SYNPR: variants seen among roughly 807,000 people sequenced by gnomAD.
SYNPR encodes the protein synaptoporin.
In SYNPR, 23 loss-of-function variants were observed where a neutral mutation model predicts 32.9. That is an observed-to-expected ratio of 0.70 (90% CI 0.50 to 0.99). The LOEUF (loss-of-function observed/expected upper bound fraction) is 0.99. Ranked by LOEUF, SYNPR falls within the 50% of genes least tolerant of loss-of-function variation. SYNPR has a pLI of 0.00. For missense variants in SYNPR, 318 were observed against 349.3 expected (o/e 0.91, Z 0.71); for synonymous variants, 146 against 135.9 (o/e 1.07, Z -0.52).
At position 63,476,133 on chromosome 3, in the gene SYNPR, G is replaced by GGAAGGAAA. The variant is rs1559510360; in HGVS notation, c.85-4692_85-4691insAGAAGGAA. Among the ~76,000 whole-genome samples, 17 of 39,144 alleles carry GGAAGGAAA rather than the reference G, an allele frequency of 4.3e-4. 3 individuals are homozygous for GGAAGGAAA. The highest frequency in any genetic ancestry group is 1.9e-3 in the African/African-American group (12 of 6,238). 25.7% of individuals were successfully genotyped at this position (39,144 alleles called of 152,430 possible). A position where few individuals can be genotyped will look rare whatever the true frequency, so the allele number is the denominator to read the frequency against. On this transcript the variant is annotated intron_variant, in intron 2 of 5. Coordinates refer to ENST00000478300, the MANE Select transcript of SYNPR (RefSeq NM_001130003.2). ...GGGGAGGAAGGAAGGAAGGAAGGAA[G>GGAAGGAAA]GAAGGAAGGAAGGAAGGGAGGGAGG...
intron 2 of SYNPR, among the ~76,000 whole-genome samples, chr3:63,301,584 A>C (rs2086858119): frequency 6.6e-6 from 1 of 152,110 alleles, no homozygotes; most frequent in Non-Finnish European, 1.5e-5. Context: ...TGAACAATTA[A>C]AATTTCCTAT....
At chr3:63,350,307 G>T (rs190599284) in intron 2 of SYNPR, among the ~76,000 whole-genome samples, 1 of 151,888 alleles carries the variant, frequency 6.6e-6, no homozygotes. Context: ...TTATAGAAAA[G>T]ATGACTCATA....
chr3:63,614,488 G>A, intron 5 of SYNPR, among the ~76,000 whole-genome samples: 1 of 152,166 alleles, frequency 6.6e-6, no homozygotes, highest in East Asian at 1.9e-4. Context: ...CAGTTCTTAA[G>A]AAAATATTTT....
At chr3:63,375,482 AACACCGCATGTTCTC>A (rs2087876391) in intron 2 of SYNPR, among the ~76,000 whole-genome samples, 2 of 152,228 alleles carry the variant, frequency 1.3e-5, no homozygotes, top group African/African-American at 4.8e-5. Context: ...CAGGAAACCA[AACACCGCATGTTCTC>A]ACTCGTAGGT....
At chr3:63,368,484 G>A (rs2087754490) in intron 2 of SYNPR, among the ~76,000 whole-genome samples, 1 of 152,218 alleles carries the variant, frequency 6.6e-6, no homozygotes, top group Non-Finnish European at 1.5e-5. Context: ...TTCAAGTCTG[G>A]AGATGTCACT....
intron 4 of SYNPR, among the ~76,000 whole-genome samples, chr3:63,571,208 C>G (rs1269401731): frequency 1.3e-5 from 2 of 152,130 alleles, no homozygotes; most frequent in African/African-American, 4.8e-5. Flanking sequence ...GGAAATCTAC[C>G]TAACCATGGG....
At chr3:63,601,657 G>A (rs571326573) in intron 4 of SYNPR, among the ~76,000 whole-genome samples, 5 of 152,250 alleles carry the variant, frequency 3.3e-5, no homozygotes, top group East Asian at 1.9e-4. Context: ...CTCCATCTAT[G>A]TTGCTACAAA....
chr3:63,554,421 T>G (rs1017151388), intron 3 of SYNPR, among the ~76,000 whole-genome samples: 2 of 152,236 alleles, frequency 1.3e-5, no homozygotes, highest in Non-Finnish European at 2.9e-5. Context: ...TTCATTCTTC[T>G]TCATATGGCT....
chr3:63,208,795 C>T, the SYNPR span, among the ~76,000 whole-genome samples: 1 of 152,016 alleles, frequency 6.6e-6, no homozygotes, highest in Non-Finnish European at 1.5e-5. Flanking sequence ...TTCCTGGGCT[C>T]GGCACAAGAT....
intron 2 of SYNPR, among the ~76,000 whole-genome samples, chr3:63,445,241 T>C (rs1700253485): frequency 6.6e-6 from 1 of 152,208 alleles, no homozygotes; most frequent in Non-Finnish European, 1.5e-5. Context: ...GCATGCATTC[T>C]GCATGTGAAA....
At chr3:63,488,574 G>A (rs6781972) in intron 3 of SYNPR, among the ~76,000 whole-genome samples, 65,723 of 152,022 alleles carry the variant, frequency 0.43, 14,250 homozygotes, top group East Asian at 0.49. Context: ...TAAAAAGGCA[G>A]TAATACCAGT....
intron 2 of SYNPR, among the ~76,000 whole-genome samples, chr3:63,337,699 TA>T (rs2087313042): frequency 6.6e-6 from 1 of 152,164 alleles, no homozygotes; most frequent in African/African-American, 2.4e-5. Flanking sequence ...AAATATCAAT[TA>T]AGCCACAGAA....
chr3:63,344,571 T>TC (rs3081091), intron 2 of SYNPR, among the ~76,000 whole-genome samples: 2 of 150,014 alleles, frequency 1.3e-5, no homozygotes, highest in African/African-American at 4.9e-5. Context: ...TTTTTTTTTT[T>TC]ACAGATTAAT....
chr3:63,504,202 G>A (rs919872442), intron 3 of SYNPR, among the ~76,000 whole-genome samples: 1 of 152,084 alleles, frequency 6.6e-6, no homozygotes, highest in African/African-American at 2.4e-5. Context: ...AGGTCTGACT[G>A]TTCAGACTTT....
intron 2 of SYNPR, among the ~76,000 whole-genome samples, chr3:63,430,996 A>G (rs1483260320): frequency 6.6e-6 from 1 of 152,224 alleles, no homozygotes; most frequent in Non-Finnish European, 1.5e-5. Context: ...CCCACAGGGA[A>G]AGTGGCCTTT....
rs147091028 is a variant in SYNPR at position 63,285,981 on chromosome 3, T to C, written c.84+7239T>C. Reference sequence around the variant, plus strand: ...ATGACGGTGATGAAAAGGGAGAAAGTAGAAATTCATCAAAGGATAATTTAG... The same window carrying C: ...ATGACGGTGATGAAAAGGGAGAAAGCAGAAATTCATCAAAGGATAATTTAG... On this transcript the variant is annotated intron_variant, in intron 2 of 5. Coordinates refer to ENST00000478300, the MANE Select transcript of SYNPR (RefSeq NM_001130003.2). Among the ~76,000 whole-genome samples, 684 of 152,348 alleles carry C rather than the reference T, an allele frequency of 4.5e-3. 4 individuals carry two copies. Among genetic ancestry groups the C allele is most frequent in the Admixed American group, 8.6e-3 (132 of 15,296 alleles).
intron 2 of SYNPR, among the ~76,000 whole-genome samples, chr3:63,437,021 C>G (rs970940608): frequency 1.3e-5 from 2 of 152,086 alleles, no homozygotes; most frequent in African/African-American, 4.8e-5. Context: ...GGATTACAGG[C>G]ACCTGCCACC....
At chr3:63,418,144 A>G (rs537884594) in intron 2 of SYNPR, among the ~76,000 whole-genome samples, 14 of 152,264 alleles carry the variant, frequency 9.2e-5, no homozygotes, top group Admixed American at 1.3e-4. Flanking sequence ...ATGCTTTGCC[A>G]CTTAGAAATT....
intron 2 of SYNPR, among the ~76,000 whole-genome samples, chr3:63,324,504 G>A (rs1042628902): frequency 7.9e-5 from 12 of 152,084 alleles, no homozygotes; most frequent in Non-Finnish European, 1.5e-4. Flanking sequence ...ATTATAGAAT[G>A]GAAAATCAGA....
Sources: allele counts gnomAD v4.1 joint callset (sites outside exome capture counted in the v4.1 genomes callset), GRCh38; gene constraint gnomAD v4.1.1; transcripts MANE v1.5; gene names NCBI Gene and HGNC (gene_info 2026-07-23, HGNC 2026-07-21).